MSI2: variants seen among roughly 807,000 people sequenced by gnomAD.
MSI2 encodes musashi RNA binding protein 2.
In MSI2, 17 loss-of-function variants were observed where a neutral mutation model predicts 45.6. The ratio of observed to expected loss-of-function variants is 0.37; its 90% CI spans 0.26 to 0.56. MSI2 has a LOEUF of 0.56. MSI2 is among the 20% of genes least tolerant of loss of function. MSI2 has a pLI of 0.77. For missense variants in MSI2, 293 were observed against 444.2 expected, an observed-to-expected ratio of 0.66 and a Z score of 3.06; for synonymous variants, 156 against 158.2, an observed-to-expected ratio of 0.99 and a Z score of 0.11.
chr17:57,523,273 T>A (rs1443939152), intron 6 of MSI2, among the ~76,000 whole-genome samples: 7 of 152,188 alleles, frequency 4.6e-5, no homozygotes, highest in Non-Finnish European at 8.8e-5. Context: ...GGTCTCGAAC[T>A]CCTGACCTCA....
At chr17:57,637,404 C>T (rs766889497) in intron 10 of MSI2, among the ~76,000 whole-genome samples, 1 of 152,214 alleles carries the variant, frequency 6.6e-6, no homozygotes, top group Non-Finnish European at 1.5e-5. Context: ...AGCACGGTGC[C>T]TAATAGGCAC....
intron 6 of MSI2, among the ~76,000 whole-genome samples, chr17:57,465,988 T>C (rs1026425296): frequency 7.2e-5 from 11 of 152,286 alleles, no homozygotes; most frequent in Admixed American, 2.6e-4. Context: ...GGCTTACAAC[T>C]GTAATAAATT....
At chr17:57,604,687 G>A (rs1906326232) in intron 8 of MSI2, among the ~76,000 whole-genome samples, 1 of 152,204 alleles carries the variant, frequency 6.6e-6, no homozygotes, top group Non-Finnish European at 1.5e-5. Context: ...GGCATACCTG[G>A]GGGATTGACT....
intron 9 of MSI2, among the ~76,000 whole-genome samples, chr17:57,620,498 C>T (rs1908185884): frequency 6.6e-6 from 1 of 152,186 alleles, no homozygotes; most frequent in Non-Finnish European, 1.5e-5. Flanking sequence ...AGCAAGGTAT[C>T]GTAGCATGTA....
intron 10 of MSI2, among the ~76,000 whole-genome samples, chr17:57,634,609 A>G (rs1909699740): frequency 6.6e-6 from 1 of 152,220 alleles, no homozygotes; most frequent in African/African-American, 2.4e-5. Flanking sequence ...GAAGGAAAGG[A>G]AGTATATCCC....
chr17:57,378,744 G>A (rs1269520083), intron 5 of MSI2, among the ~76,000 whole-genome samples: 1 of 152,190 alleles, frequency 6.6e-6, no homozygotes, highest in African/African-American at 2.4e-5. Flanking sequence ...AAGTTTAGGG[G>A]TGTTGGCATA....
chr17:57,388,781 G>T (rs2083729956), intron 5 of MSI2, among the ~76,000 whole-genome samples: 1 of 151,806 alleles, frequency 6.6e-6, no homozygotes, highest in Non-Finnish European at 1.5e-5. Context: ...AGCCTCCCAA[G>T]TAGCTGGGAT....
intron 5 of MSI2, among the ~76,000 whole-genome samples, chr17:57,387,781 C>T (rs1172868487): frequency 6.6e-6 from 1 of 152,130 alleles, no homozygotes; most frequent in Non-Finnish European, 1.5e-5. Context: ...GGTTTGATCC[C>T]CATTCACAGA....
chr17:57,578,573 A>T (rs968924657), intron 7 of MSI2, among the ~76,000 whole-genome samples: 2 of 152,030 alleles, frequency 1.3e-5, no homozygotes, highest in African/African-American at 4.8e-5. Context: ...GGGGAAGGGG[A>T]CGGGAGAAGG....
intron 5 of MSI2, among the ~76,000 whole-genome samples, chr17:57,341,982 T>G (rs969610781): frequency 1.3e-5 from 2 of 152,342 alleles, no homozygotes; most frequent in South Asian, 4.1e-4. Flanking sequence ...CATATTGCCC[T>G]ATTTTCAGCT....
At chr17:57,317,381 G>C (rs1413876210) in intron 5 of MSI2, among the ~76,000 whole-genome samples, 1 of 152,092 alleles carries the variant, frequency 6.6e-6, no homozygotes, top group Non-Finnish European at 1.5e-5. Flanking sequence ...CCATCAGAAA[G>C]GCAGAATATA....
the MSI2 span, among the ~76,000 whole-genome samples, chr17:57,697,736 G>A: frequency 0.25 from 37,842 of 151,934 alleles, 5,599 homozygotes; most frequent in African/African-American, 0.4. Flanking sequence ...AGCAAAAGGG[G>A]TTTCCCTTAT....
the MSI2 span, among the ~76,000 whole-genome samples, chr17:57,697,056 G>A: frequency 4.6e-5 from 7 of 151,992 alleles, no homozygotes; most frequent in East Asian, 1.4e-3. Context: ...GACCATGGAA[G>A]GTCCTTAGGG....
chr17:57,282,453 T>C (rs1220925533), intron 5 of MSI2, among the ~76,000 whole-genome samples: 1 of 152,184 alleles, frequency 6.6e-6, no homozygotes, highest in East Asian at 1.9e-4. Context: ...AGTGCTGGCC[T>C]CCTGAGCCAT....
chr17:57,433,798 G>T (rs2084642915), intron 6 of MSI2, among the ~76,000 whole-genome samples: 1 of 152,230 alleles, frequency 6.6e-6, no homozygotes, highest in African/African-American at 2.4e-5. Flanking sequence ...CGCCGCTCAT[G>T]CGGATTGTGG....
At chr17:57,538,035 GT>G (rs1379784042) in intron 7 of MSI2, among the ~76,000 whole-genome samples, 1 of 152,122 alleles carries the variant, frequency 6.6e-6, no homozygotes, top group Non-Finnish European at 1.5e-5. Flanking sequence ...CCCAGAAGTG[GT>G]TTTTTTGTAG....
At chr17:57,524,122 A>G (rs1180310054) in intron 6 of MSI2, among the ~76,000 whole-genome samples, 1 of 152,270 alleles carries the variant, frequency 6.6e-6, no homozygotes, top group Non-Finnish European at 1.5e-5. Context: ...CCCATCCTGC[A>G]TCAGGCTAGC....
At chr17:57,545,893 T>A (rs1351506560) in intron 7 of MSI2, among the ~76,000 whole-genome samples, 1 of 151,826 alleles carries the variant, frequency 6.6e-6, no homozygotes, top group Non-Finnish European at 1.5e-5. Flanking sequence ...CAGGCATTAT[T>A]ACATCTGAGT....
chr17:57,700,375 G>A, the MSI2 span, among the ~76,000 whole-genome samples: 22 of 152,326 alleles, frequency 1.4e-4, no homozygotes, highest in African/African-American at 5.3e-4. Flanking sequence ...TAGGTGCTTT[G>A]AAGTCTCGCA....
Sources: allele counts gnomAD v4.1 joint callset (sites outside exome capture counted in the v4.1 genomes callset), GRCh38; gene constraint gnomAD v4.1.1; transcripts MANE v1.5; gene names NCBI Gene and HGNC (gene_info 2026-07-23, HGNC 2026-07-21).